The following OSBPL10 variants were observed in gnomAD, a reference collection of about 807,000 sequenced individuals.
OSBPL10 encodes the protein oxysterol-binding protein-related protein 10.
OSBPL10 carries 49 observed loss-of-function variants against 81.7 expected under a neutral mutation model. That is an observed-to-expected ratio of 0.60 (90% CI 0.48 to 0.76). The LOEUF is 0.76. OSBPL10 is among the 30% of genes least tolerant of loss of function. The pLI, the probability that OSBPL10 is intolerant of heterozygous loss-of-function variation, is 0.00. For synonymous variants in OSBPL10, 419 were observed against 383.6 expected, an observed-to-expected ratio of 1.09 and a Z score of -1.08; for missense variants, 923 against 987.8, an observed-to-expected ratio of 0.93 and a Z score of 0.88.
intron 1 of OSBPL10, among the ~76,000 whole-genome samples, chr3:32,058,822 G>T (rs1028093094): frequency 6.6e-5 from 10 of 152,054 alleles, no homozygotes; most frequent in African/African-American, 2.2e-4. Context: ...GTAGCCATAG[G>T]GACTACATGT....
chr3:31,856,985 C>T (rs1700928828), intron 3 of OSBPL10, among the ~76,000 whole-genome samples: 1 of 152,144 alleles, frequency 6.6e-6, no homozygotes, highest in Non-Finnish European at 1.5e-5. Context: ...ATCGCCTGAA[C>T]CTGGGCGGTG....
intron 1 of OSBPL10, chr3:31,960,431 A>G (rs899778338): frequency 6.6e-6 from 1 of 152,190 alleles, no homozygotes; most frequent in Non-Finnish European, 1.5e-5. Flanking sequence ...ATTTGCATCA[A>G]TTAGGATTAT....
At chr3:31,742,774 C>T (rs913448321) in intron 5 of OSBPL10, among the ~76,000 whole-genome samples, 4 of 152,238 alleles carry the variant, frequency 2.6e-5, no homozygotes, top group Middle Eastern at 6.8e-3. Flanking sequence ...CTTTCTAGGC[C>T]CAGTTCCCCT....
chr3:31,881,334 A>G (rs1213305466), intron 1 of OSBPL10, among the ~76,000 whole-genome samples: 1 of 152,224 alleles, frequency 6.6e-6, no homozygotes, highest in East Asian at 1.9e-4. Context: ...CCATCCATGC[A>G]TCAAAGCACC....
At chr3:31,722,541 A>C (rs1427563493) in intron 6 of OSBPL10, among the ~76,000 whole-genome samples, 1 of 152,186 alleles carries the variant, frequency 6.6e-6, no homozygotes, top group African/African-American at 2.4e-5. Context: ...AGGTAAACAT[A>C]AGTGTAAGTC....
intron 2 of OSBPL10, chr3:31,989,266 G>A: frequency 6.2e-7 from 1 of 1,614,176 alleles, no homozygotes; most frequent in Admixed American, 1.7e-5. Context: ...CCTGCATTCT[G>A]TGGATATCTC....
At chr3:31,733,173 T>C (rs2125666005) in intron 6 of OSBPL10, 84 bp downstream of exon 6, 6 of 1,544,046 alleles carry the variant, frequency 3.9e-6, no homozygotes, top group South Asian at 2.4e-5. Flanking sequence ...AACAAAGAGA[T>C]GAGCAAGTTA....
chr3:31,786,573 C>T (rs866282129), intron 4 of OSBPL10, among the ~76,000 whole-genome samples: 12 of 152,162 alleles, frequency 7.9e-5, no homozygotes, highest in South Asian at 2.1e-4. Context: ...GAGTTCCCTG[C>T]AGCCCTTTTA....
intron 8 of OSBPL10, among the ~76,000 whole-genome samples, chr3:31,676,874 T>C (rs540924277): frequency 6.6e-6 from 1 of 152,228 alleles, no homozygotes; most frequent in East Asian, 1.9e-4. Context: ...TTAGGTTGAC[T>C]GAACAGTGTC....
At chr3:31,984,957 G>A (rs886131786), upstream of OSBPL10, among the ~76,000 whole-genome samples, 1 of 152,182 alleles carries the variant, frequency 6.6e-6, no homozygotes, top group African/African-American at 2.4e-5. Flanking sequence ...ATATTGGCTA[G>A]GCCAGGCGCG....
At chr3:31,688,194 G>GA (rs1700841220) in intron 7 of OSBPL10, among the ~76,000 whole-genome samples, 1 of 151,652 alleles carries the variant, frequency 6.6e-6, no homozygotes, top group African/African-American at 2.4e-5. Context: ...ATCTATGTAA[G>GA]AGATAACGCC....
intron 3 of OSBPL10, among the ~76,000 whole-genome samples, chr3:31,865,097 G>T (rs1701144551): frequency 6.6e-6 from 1 of 152,150 alleles, no homozygotes; most frequent in Admixed American, 6.5e-5. Flanking sequence ...GGACAGAAGG[G>T]GTGAGGGAGC....
chr3:32,022,140 C>T (rs1314739003), intron 2 of OSBPL10, among the ~76,000 whole-genome samples: 5 of 152,126 alleles, frequency 3.3e-5, no homozygotes, highest in African/African-American at 4.8e-5. Context: ...TGAAGTCCAG[C>T]TTATCTATTT....
intron 2 of OSBPL10, chr3:32,030,064 T>C: frequency 5.6e-6 from 1 of 178,556 alleles, no homozygotes; most frequent in Non-Finnish European, 1.2e-5. Context: ...AGTCATAAAA[T>C]GAGAATAGAG....
chr3:31,903,922 G>A (rs956546197), intron 1 of OSBPL10, among the ~76,000 whole-genome samples: 1 of 152,082 alleles, frequency 6.6e-6, no homozygotes, highest in African/African-American at 2.4e-5. Context: ...AAGTCAAGGT[G>A]GATTTCTACT....
chr3:31,783,806 AAAAAAAAAAAAAAAAAAATAT>A (rs1293585598), intron 4 of OSBPL10, among the ~76,000 whole-genome samples: 7 of 71,004 alleles, frequency 9.9e-5, no homozygotes, highest in Admixed American at 1.3e-4. Flanking sequence ...AAAAAAAAAA[AAAAAAAAAAAAAAAAAAATAT>A]ATATATATAT....
intron 4 of OSBPL10, among the ~76,000 whole-genome samples, chr3:31,791,651 T>C (rs1699013734): frequency 6.6e-6 from 1 of 152,066 alleles, no homozygotes; most frequent in Non-Finnish European, 1.5e-5. Flanking sequence ...TTTTTGTTTT[T>C]TTTTTCCACA....
chr3:32,015,621 G>A (rs1699305008), intron 2 of OSBPL10, among the ~76,000 whole-genome samples: 1 of 152,188 alleles, frequency 6.6e-6, no homozygotes, highest in Non-Finnish European at 1.5e-5. Context: ...AAACTAAAGA[G>A]CTTCTGCACA....
chr3:31,870,086 G>C (rs112350338), intron 3 of OSBPL10, among the ~76,000 whole-genome samples: 4,557 of 152,338 alleles, frequency 0.03, 205 homozygotes, highest in African/African-American at 0.093. Context: ...GCCAAGGCCA[G>C]AGCCGGCTCC....
Sources: allele counts gnomAD v4.1 joint callset (sites outside exome capture counted in the v4.1 genomes callset), GRCh38; gene constraint gnomAD v4.1.1; transcripts MANE v1.5; gene names NCBI Gene and HGNC (gene_info 2026-07-23, HGNC 2026-07-21).